The following POLR2F variants were observed in gnomAD, a reference collection of about 807,000 sequenced individuals.
POLR2F encodes the protein DNA-directed RNA polymerases I, II, and III subunit RPABC2.
Under a neutral mutation model 22.7 loss-of-function variants are expected in POLR2F, and 12 were observed. That is an observed-to-expected ratio of 0.53 (90% confidence interval 0.34 to 0.86). The LOEUF (loss-of-function observed/expected upper bound fraction) is 0.86. Ranked by LOEUF, POLR2F falls within the 40% of genes least tolerant of loss-of-function variation. POLR2F has a pLI of 0.02. For missense variants in POLR2F, 126 were observed against 171.5 expected, an observed-to-expected ratio of 0.73 and a Z score of 1.48; for synonymous variants, 57 against 66.0, an observed-to-expected ratio of 0.86 and a Z score of 0.66.
chr22:37,984,481 G>C (rs1459243628), upstream of POLR2F: 1 of 152,950 alleles, frequency 6.5e-6, no homozygotes, highest in Non-Finnish European at 1.5e-5. The surrounding 1 kb of genome is among the most constrained non-coding windows in gnomAD (Gnocchi z 4.4). Context: ...CTCAGGCCAC[G>C]GCCTCGTTAG....
At chr22:37,987,403 G>A (rs1372006287) in intron 1 of POLR2F, 1 of 414,000 alleles carries the variant, frequency 2.4e-6, no homozygotes, top group Non-Finnish European at 4.9e-6. Flanking sequence ...CCTCCGGTCA[G>A]CAGTGACCCT....
At chr22:37,995,593 A>G (rs555676860) in intron 1 of POLR2F, among the ~76,000 whole-genome samples, 3 of 152,122 alleles carry the variant, frequency 2.0e-5, no homozygotes, top group African/African-American at 7.2e-5. Flanking sequence ...AAGGATGTCT[A>G]CTTCATGAGG....
chr22:37,963,959 G>C (rs113679251), intron 3 of POLR2F, among the ~76,000 whole-genome samples: 5,291 of 152,066 alleles, frequency 0.035, 301 homozygotes, highest in African/African-American at 0.12. Context: ...AAAATTAGCC[G>C]GGTGTGGTGG....
chr22:38,004,482 CAT>C (rs1320514083), intron 1 of POLR2F, among the ~76,000 whole-genome samples: 1 of 152,154 alleles, frequency 6.6e-6, no homozygotes, highest in African/African-American at 2.4e-5. Context: ...ATAAGACATG[CAT>C]ATCTACTCGC....
At chr22:37,987,724 G>T in intron 1 of POLR2F, 1 of 248,638 alleles carries the variant, frequency 4.0e-6, no homozygotes, top group Non-Finnish European at 8.0e-6. Context: ...ATGGGATGAG[G>T]GAACACAGGG....
chr22:38,032,192 C>T (rs1177156472), intron 5 of POLR2F: 6 of 152,218 alleles, frequency 3.9e-5, no homozygotes, highest in African/African-American at 1.4e-4. Context: ...GAGACAGGGT[C>T]TCACTCTGTT....
downstream of POLR2F, chr22:37,973,218 T>TG: frequency 2.4e-6 from 1 of 413,316 alleles, no homozygotes. Flanking sequence ...GGGTCATTCC[T>TG]GGGGGAAGGT....
At position 38,031,968 on chromosome 22, in the gene POLR2F, A is replaced by G. The variant is rs2085069964; in HGVS notation, c.453-9100A>G. On this transcript the variant is annotated intron_variant, in intron 5 of 5. Transcript: ENST00000407936. The surrounding 1 kb of genome is among the most constrained non-coding windows in gnomAD (Gnocchi z 4.1). ...TGTCTTGGCCTCTGTTTTGGTCTGA[A>G]GTCTGGAGATTTTGTCCAGTTTCTT... is the stretch of plus-strand genomic sequence containing the variant. Among the ~76,000 whole-genome samples, 1 of 151,990 alleles carries G rather than the reference A, an allele frequency of 6.6e-6. No homozygotes were observed. Among genetic ancestry groups the G allele is most frequent in the Non-Finnish European group, 1.5e-5 (1 of 67,994 alleles).
At position 37,986,266 on chromosome 22, in the gene POLR2F, C is replaced by T. The variant is rs544644699; in HGVS notation, c.76C>T (p.Arg26Cys). 95 of 1,539,284 alleles carry T rather than the reference C, an allele frequency of 6.2e-5. No individual in the cohort carries two copies. In the East Asian group the frequency reaches 9.8e-4, roughly 16 times the overall value. ...CTGCCCTGCAGTCGCCTCCAACACC[C>T]GCTGCTGCCCGCCCGCTGCCTGCCT... Residue 26 changes from arginine to cysteine, a missense_variant, in exon 1 of 3, where the codon CGC becomes TGC. Coordinates refer to the POLR2F transcript ENST00000333418. This position sits in a 1 kb window ranked among gnomAD's most constrained non-coding sequence, Gnocchi z 4.7.
intron 5 of POLR2F, among the ~76,000 whole-genome samples, chr22:38,039,650 A>G (rs1019753587): frequency 2.6e-5 from 4 of 152,230 alleles, no homozygotes; most frequent in Admixed American, 2.6e-4. Context: ...CCCCTGCACC[A>G]GCCCTGCCTC....
chr22:37,965,502 G>A (rs934171421), intron 3 of POLR2F, among the ~76,000 whole-genome samples: 15 of 152,186 alleles, frequency 9.9e-5, no homozygotes, highest in Admixed American at 7.9e-4. Flanking sequence ...TAATAGGTGC[G>A]GAATGAGTGA....
chr22:37,954,795 C>A (rs1931302094), intron 1 of POLR2F, among the ~76,000 whole-genome samples: 1 of 152,154 alleles, frequency 6.6e-6, no homozygotes, highest in South Asian at 2.1e-4. Flanking sequence ...ATTGCTACCC[C>A]ATTCCCAGTG....
At chr22:37,961,968 C>A (rs919418729) in intron 3 of POLR2F, among the ~76,000 whole-genome samples, 2 of 152,100 alleles carry the variant, frequency 1.3e-5, no homozygotes, top group African/African-American at 4.8e-5. Flanking sequence ...CCGTGGCTCA[C>A]AACTGTAATC....
intron 1 of POLR2F, among the ~76,000 whole-genome samples, chr22:38,015,778 C>T (rs190973438): frequency 6.6e-6 from 1 of 152,284 alleles, no homozygotes; most frequent in East Asian, 1.9e-4. Context: ...AACCATGTGC[C>T]ACGCTGTGTT....
chr22:38,013,137 TTTTC>T (rs2084886782), intron 1 of POLR2F, among the ~76,000 whole-genome samples: 1 of 151,368 alleles, frequency 6.6e-6, no homozygotes, highest in Admixed American at 6.6e-5. Context: ...CCTTCCTTTC[TTTTC>T]TTTCTTCTTT....
Position 37,978,003 on chromosome 22 carries a change from C to T in POLR2F, c.293+10833C>T. The T allele has an allele frequency of 3.7e-6, 6 of 1,611,854 alleles. No individual in the cohort carries two copies. The highest frequency in any genetic ancestry group is 5.1e-6 in the Non-Finnish European group (6 of 1,179,800). ...CGGCCTCCCCACCGGGGCACTCCGC[C>T]TCGCCCTGGGCGGCCTTCCCGTTCT... On this transcript the variant is annotated intron_variant, in intron 4 of 4. Transcript: ENST00000405557. The surrounding 1 kb of genome is among the most constrained non-coding windows in gnomAD (Gnocchi z 5.0).
In POLR2F at chr22:37,994,585, C is replaced by T. The variant is rs556292856; in HGVS notation, c.120+8273C>T. On this transcript the variant is annotated intron_variant, in intron 1 of 2. Coordinates refer to the POLR2F transcript ENST00000333418. ...CCAGGCTGGAGTGCAGTGGAGTGAT[C>T]TCGGCTTACTGCAAGCTCCGCCCCC... Among the ~76,000 whole-genome samples the T allele has an allele frequency of 3.3e-5, 5 of 152,314 alleles. No homozygotes were observed. In the East Asian group the frequency reaches 9.6e-4, roughly 29 times the overall value.
chr22:37,965,126 C>T (rs1931803606), intron 3 of POLR2F, among the ~76,000 whole-genome samples: 1 of 152,118 alleles, frequency 6.6e-6, no homozygotes. Context: ...ATGCCTCAGC[C>T]TCTCGAGTAT....
chr22:37,995,927 A>T (rs1469916071), intron 1 of POLR2F, among the ~76,000 whole-genome samples: 1 of 152,014 alleles, frequency 6.6e-6, no homozygotes, highest in Non-Finnish European at 1.5e-5. Flanking sequence ...TGAGCCTGGG[A>T]AGTTGAGTCT....
Sources: gnomAD v4.1 joint callset for allele counts (sites outside exome capture counted in the v4.1 genomes callset) on GRCh38, gnomAD v4.1.1 for gene constraint, Gnocchi (gnomAD v3.1) non-coding constraint, MANE v1.5 for transcripts, NCBI Gene and HGNC (gene_info 2026-07-23, HGNC 2026-07-21) for gene names.